The following SPRED2 variants were observed in gnomAD, a reference collection of about 807,000 sequenced individuals.
SPRED2 encodes the protein sprouty-related, EVH1 domain-containing protein 2.
In SPRED2, 47 loss-of-function variants were observed where a neutral mutation model predicts 43.0. The ratio of observed to expected loss-of-function variants is 1.09; its 90% CI spans 0.87 to 1.40. The LOEUF is 1.40. Ranked by LOEUF, SPRED2 falls within the 40% of genes most tolerant of loss-of-function variation. The pLI, the probability that SPRED2 is intolerant of heterozygous loss-of-function variation, is 0.00. For synonymous variants in SPRED2, 225 were observed against 225.7 expected, an observed-to-expected ratio of 1.00 and a Z score of 0.03; for missense variants, 561 against 586.4, an observed-to-expected ratio of 0.96 and a Z score of 0.45.
At chr2:65,398,994 T>A (rs1451465281) in intron 1 of SPRED2, among the ~76,000 whole-genome samples, 3 of 152,162 alleles carry the variant, frequency 2.0e-5, no homozygotes, top group African/African-American at 7.2e-5. Context: ...GAAAATGTGG[T>A]ATAGCTGGGC....
At chr2:65,334,506 G>T in intron 3 of SPRED2, 99 bp downstream of exon 3, 4 of 1,467,202 alleles carry the variant, frequency 2.7e-6, no homozygotes, top group Non-Finnish European at 3.7e-6. Flanking sequence ...AAACCCTCCC[G>T]CAAATAAACC....
At position 65,357,721 on chromosome 2, in the gene SPRED2, C is replaced by CT. The variant is rs1674696901; in HGVS notation, c.27-12826dup. Among the ~76,000 whole-genome samples the CT allele has an allele frequency of 2.0e-5, 3 of 152,280 alleles. No individual in the cohort carries two copies. In the South Asian group the frequency reaches 6.2e-4, roughly 32 times the overall value. The stretch of plus-strand genomic sequence containing the variant: ...ACAGCTACATGAAAAAATCACAGAG[C>CT]TAGAGGGTGATCCTACTCATCCTGC... On this transcript the variant is annotated intron_variant, in intron 1 of 5. Transcript: ENST00000356388.
At chr2:65,421,978 C>T (rs1206311943) in intron 1 of SPRED2, among the ~76,000 whole-genome samples, 1 of 152,088 alleles carries the variant, frequency 6.6e-6, no homozygotes, top group Non-Finnish European at 1.5e-5. Context: ...TCAGGCAAGA[C>T]AGGGCCCTCT....
intron 1 of SPRED2, among the ~76,000 whole-genome samples, chr2:65,381,974 G>A (rs1204623955): frequency 1.3e-5 from 2 of 152,174 alleles, no homozygotes; most frequent in African/African-American, 4.8e-5. Flanking sequence ...GAGTTTCCTT[G>A]GTTTCACATC....
intron 4 of SPRED2, among the ~76,000 whole-genome samples, chr2:65,329,549 T>C (rs190825643): frequency 6.6e-6 from 1 of 152,370 alleles, no homozygotes; most frequent in Non-Finnish European, 1.5e-5. Context: ...CTAAACTTTC[T>C]TCCAGGCATT....
chr2:65,373,194 A>T (rs1558674386), intron 1 of SPRED2, among the ~76,000 whole-genome samples: 1 of 152,192 alleles, frequency 6.6e-6, no homozygotes, highest in Non-Finnish European at 1.5e-5. Flanking sequence ...ATACAACCTG[A>T]GGTAGAGTCA....
At chr2:65,381,280 G>C (rs1675368262) in intron 1 of SPRED2, among the ~76,000 whole-genome samples, 1 of 152,200 alleles carries the variant, frequency 6.6e-6, no homozygotes, top group Non-Finnish European at 1.5e-5. Flanking sequence ...CAGATGTCTT[G>C]ATAATAGACA....
intron 4 of SPRED2, among the ~76,000 whole-genome samples, chr2:65,320,537 G>A (rs1400248893): frequency 2.0e-5 from 3 of 152,138 alleles, no homozygotes; most frequent in Non-Finnish European, 4.4e-5. Flanking sequence ...ATCTGATGAC[G>A]AATTTCTACA....
chr2:65,394,350 A>T (rs1374193830), intron 1 of SPRED2, among the ~76,000 whole-genome samples: 3 of 152,206 alleles, frequency 2.0e-5, no homozygotes, highest in Admixed American at 2.0e-4. Flanking sequence ...GCCCTCCATC[A>T]GGGTGGCTGC....
intron 1 of SPRED2, among the ~76,000 whole-genome samples, chr2:65,379,507 G>A (rs533734726): frequency 1.4e-4 from 21 of 152,150 alleles, no homozygotes; most frequent in Admixed American, 2.6e-4. Flanking sequence ...CTACTTTCTT[G>A]TGGCAAAAAG....
chr2:65,370,025 G>A (rs554735701), intron 1 of SPRED2, among the ~76,000 whole-genome samples: 3 of 152,278 alleles, frequency 2.0e-5, no homozygotes, highest in African/African-American at 7.2e-5. Flanking sequence ...TCCAAATACT[G>A]GCTTATGTCA....
intron 1 of SPRED2, among the ~76,000 whole-genome samples, chr2:65,363,625 T>C (rs1674888878): frequency 6.6e-6 from 1 of 152,110 alleles, no homozygotes; most frequent in Non-Finnish European, 1.5e-5. Flanking sequence ...CAGTGAGCAA[T>C]GGACAGCAGG....
At chr2:65,405,882 T>C (rs779345410) in intron 1 of SPRED2, among the ~76,000 whole-genome samples, 1 of 152,070 alleles carries the variant, frequency 6.6e-6, no homozygotes, top group Non-Finnish European at 1.5e-5. Context: ...CTTTGCTAAG[T>C]GACTGTTCCC....
intron 3 of SPRED2, among the ~76,000 whole-genome samples, chr2:65,333,016 C>T (rs543449256): frequency 2.0e-5 from 3 of 152,166 alleles, no homozygotes; most frequent in South Asian, 2.1e-4. Flanking sequence ...GCCTGCAATC[C>T]GAGCACTTTG....
At chr2:65,327,863 A>G (rs1673685064) in intron 4 of SPRED2, among the ~76,000 whole-genome samples, 1 of 151,464 alleles carries the variant, frequency 6.6e-6, no homozygotes, top group African/African-American at 2.4e-5. Context: ...AGCTGGGATT[A>G]CAGGGGCCCG....
intron 1 of SPRED2, among the ~76,000 whole-genome samples, chr2:65,351,924 C>A (rs1674523561): frequency 1.3e-5 from 2 of 152,268 alleles, no homozygotes; most frequent in South Asian, 4.1e-4. Flanking sequence ...ATATTCTGAA[C>A]TTTATGGGCA....
downstream of SPRED2, among the ~76,000 whole-genome samples, chr2:65,309,750 T>G (rs148809557): frequency 2.8e-3 from 425 of 152,282 alleles, 2 homozygotes; most frequent in Middle Eastern, 6.8e-3. Flanking sequence ...TATGCCCAGT[T>G]CCGGCCTAGC....
At chr2:65,420,757 G>C (rs566224256) in intron 1 of SPRED2, among the ~76,000 whole-genome samples, 1 of 152,136 alleles carries the variant, frequency 6.6e-6, no homozygotes, top group African/African-American at 2.4e-5. Flanking sequence ...GCTTAGGCAC[G>C]TGGGGATTCC....
intron 2 of SPRED2, among the ~76,000 whole-genome samples, chr2:65,339,098 G>GC (rs748998138): frequency 2.3e-5 from 1 of 44,124 alleles, no homozygotes. Flanking sequence ...GAGGGAGGTT[G>GC]GGCGGGGGGT....
Sources: gnomAD v4.1 joint callset for allele counts (sites outside exome capture counted in the v4.1 genomes callset) on GRCh38, gnomAD v4.1.1 for gene constraint, MANE v1.5 for transcripts, NCBI Gene and HGNC (gene_info 2026-07-23, HGNC 2026-07-21) for gene names.